TRHDE: variants seen among roughly 807,000 people sequenced by gnomAD.
TRHDE encodes thyrotropin releasing hormone degrading enzyme.
TRHDE carries 72 observed loss-of-function variants against 125.7 expected under a neutral mutation model. The observed-to-expected ratio is 0.57, with a 90% CI of 0.47 to 0.70. The LOEUF is 0.70. TRHDE is among the 30% of genes least tolerant of loss of function. The pLI is 0.00. For missense variants in TRHDE, 1,110 were observed against 1,327.1 expected (o/e 0.84, Z 2.54); for synonymous variants, 509 against 509.1 (o/e 1.00, Z 0.00).
chr12:72,451,582 TTG>T, intron 3 of TRHDE, among the ~76,000 whole-genome samples: 1 of 142,870 alleles, frequency 7.0e-6, no homozygotes, highest in Non-Finnish European at 1.6e-5. Flanking sequence ...TTGTTTTTTG[TTG>T]TTGTTGTTGT....
At chr12:72,659,880 CG>C (rs1359656641) in intron 18 of TRHDE, among the ~76,000 whole-genome samples, 1 of 152,038 alleles carries the variant, frequency 6.6e-6, no homozygotes, top group Non-Finnish European at 1.5e-5. Flanking sequence ...GTATTCTCCC[CG>C]CTTGCGGAGA....
chr12:72,146,382 T>C (rs1027697499), intron 2 of TRHDE, among the ~76,000 whole-genome samples: 8 of 152,208 alleles, frequency 5.3e-5, no homozygotes, highest in African/African-American at 1.7e-4. Flanking sequence ...TTTTTACTTA[T>C]GCTGCCTCCC....
chr12:72,481,380 A>G (rs1877164886), intron 5 of TRHDE, among the ~76,000 whole-genome samples: 1 of 151,638 alleles, frequency 6.6e-6, no homozygotes, highest in Non-Finnish European at 1.5e-5. Flanking sequence ...AAAGTTAAAA[A>G]AAAAAAAAGG....
intron 2 of TRHDE, chr12:72,262,677 A>C (rs1054903759): frequency 6.6e-6 from 1 of 152,176 alleles, no homozygotes; most frequent in Non-Finnish European, 1.5e-5. Flanking sequence ...CAATTATCAC[A>C]GAAAGTATTG....
At chr12:72,098,421 T>C (rs1209037120) in intron 1 of TRHDE, among the ~76,000 whole-genome samples, 14 of 152,182 alleles carry the variant, frequency 9.2e-5, no homozygotes, top group Admixed American at 9.2e-4. Context: ...TAAACATTTT[T>C]TTTTTGTGGT....
intron 9 of TRHDE, among the ~76,000 whole-genome samples, chr12:72,567,027 A>G (rs1002034492): frequency 2.6e-5 from 4 of 152,074 alleles, no homozygotes; most frequent in East Asian, 1.9e-4. Context: ...AAGTATTCCA[A>G]TTAACCAAGA....
At chr12:72,228,116 G>A (rs886413520) in intron 2 of TRHDE, among the ~76,000 whole-genome samples, 4 of 152,154 alleles carry the variant, frequency 2.6e-5, no homozygotes, top group Non-Finnish European at 5.9e-5. Flanking sequence ...CCACTAGATA[G>A]TGCCCCAAGT....
chr12:72,387,876 A>C (rs1041947528), intron 3 of TRHDE, among the ~76,000 whole-genome samples: 2 of 152,178 alleles, frequency 1.3e-5, no homozygotes, highest in Non-Finnish European at 2.9e-5. Context: ...AGGCCTCCCC[A>C]GCCATGTGGA....
chr12:72,160,044 T>G (rs1221658970), intron 2 of TRHDE, among the ~76,000 whole-genome samples: 1 of 152,244 alleles, frequency 6.6e-6, no homozygotes, highest in African/African-American at 2.4e-5. Context: ...ATTCATGCCA[T>G]GCTTTTATTT....
intron 2 of TRHDE, among the ~76,000 whole-genome samples, chr12:72,330,032 A>G (rs1592548514): frequency 1.3e-5 from 2 of 152,216 alleles, no homozygotes; most frequent in Admixed American, 6.5e-5. Flanking sequence ...GGCAGTGCCC[A>G]TTTCCCTCCT....
At chr12:72,202,793 G>T (rs906879349) in intron 2 of TRHDE, among the ~76,000 whole-genome samples, 3 of 151,960 alleles carry the variant, frequency 2.0e-5, no homozygotes, top group African/African-American at 7.3e-5. Context: ...TGTCCATTAG[G>T]TTAGACATTT....
At chr12:72,277,141 G>T (rs1321955649) in intron 1 of TRHDE, among the ~76,000 whole-genome samples, 1 of 152,150 alleles carries the variant, frequency 6.6e-6, no homozygotes, top group Non-Finnish European at 1.5e-5. Context: ...TTAAAAATAT[G>T]AGGTCCTTTT....
chr12:72,098,950 A>G (rs1454974951), intron 1 of TRHDE, among the ~76,000 whole-genome samples: 1 of 152,194 alleles, frequency 6.6e-6, no homozygotes, highest in African/African-American at 2.4e-5. Context: ...GGATCACCTG[A>G]GGCCAGGAGT....
intron 15 of TRHDE, among the ~76,000 whole-genome samples, chr12:72,638,639 G>T (rs1257469782): frequency 6.6e-6 from 1 of 152,066 alleles, no homozygotes; most frequent in East Asian, 1.9e-4. Context: ...GCAGCGGCTG[G>T]TACCGGTCGT....
intron 2 of TRHDE, among the ~76,000 whole-genome samples, chr12:72,153,527 A>G (rs1338955309): frequency 3.3e-5 from 5 of 152,004 alleles, no homozygotes; most frequent in Non-Finnish European, 4.4e-5. Flanking sequence ...TCTCTTGTGG[A>G]CATTTAGTGC....
intron 2 of TRHDE, among the ~76,000 whole-genome samples, chr12:72,185,281 G>A (rs953401533): frequency 2.0e-5 from 3 of 152,204 alleles, no homozygotes; most frequent in Non-Finnish European, 2.9e-5. Context: ...CTGGCTTCCC[G>A]CGGGGCAGGG....
intron 9 of TRHDE, among the ~76,000 whole-genome samples, chr12:72,566,855 C>A (rs1194347241): frequency 2.6e-5 from 4 of 151,946 alleles, no homozygotes; most frequent in South Asian, 4.1e-4. Context: ...CCTTTTATTT[C>A]ATTTTATTCC....
chr12:72,346,402 A>G (rs775778260), intron 2 of TRHDE, among the ~76,000 whole-genome samples: 32 of 151,964 alleles, frequency 2.1e-4, no homozygotes, highest in Non-Finnish European at 3.8e-4. Context: ...GCATGCTAAA[A>G]TCCAGCGGGC....
chr12:72,403,614 A>G (rs1357729280), intron 3 of TRHDE, among the ~76,000 whole-genome samples: 2 of 152,178 alleles, frequency 1.3e-5, no homozygotes, highest in Admixed American at 1.3e-4. Context: ...TTCAGGAAAA[A>G]ATGTATTCCA....
Sources: allele counts gnomAD v4.1 joint callset (sites outside exome capture counted in the v4.1 genomes callset), GRCh38; gene constraint gnomAD v4.1.1; transcripts MANE v1.5; gene names NCBI Gene and HGNC (gene_info 2026-07-23, HGNC 2026-07-21).